The following HS3ST5 variants were observed in gnomAD, a reference collection of about 807,000 sequenced individuals.
HS3ST5 encodes heparan sulfate-glucosamine 3-sulfotransferase 5.
In HS3ST5, 10 loss-of-function variants were observed where a neutral mutation model predicts 25.4. The ratio of observed to expected loss-of-function variants is 0.39; its 90% CI spans 0.24 to 0.67. The LOEUF (loss-of-function observed/expected upper bound fraction) is 0.67, where lower values mean the gene tolerates loss of function less well. HS3ST5 is among the 30% of genes least tolerant of loss of function. The pLI is 0.44. For missense variants in HS3ST5, 324 were observed against 420.7 expected (o/e 0.77, Z 2.01); for synonymous variants, 170 against 162.4 (o/e 1.05, Z -0.36).
At chr6:114,259,523 A>T (rs1207893591) in intron 1 of HS3ST5, among the ~76,000 whole-genome samples, 1 of 152,190 alleles carries the variant, frequency 6.6e-6, no homozygotes. Flanking sequence ...CTATTGACTG[A>T]TCCTTTTAAG....
At chr6:114,259,239 G>C (rs1484968019) in intron 1 of HS3ST5, among the ~76,000 whole-genome samples, 1 of 152,144 alleles carries the variant, frequency 6.6e-6, no homozygotes, top group Non-Finnish European at 1.5e-5. Flanking sequence ...GTAAAAACAT[G>C]AGCAATTAAT....
intron 1 of HS3ST5, among the ~76,000 whole-genome samples, chr6:114,288,056 T>C (rs1774414557): frequency 6.6e-6 from 1 of 152,080 alleles, no homozygotes; most frequent in African/African-American, 2.4e-5. Context: ...TTTATTCCTG[T>C]GTAGCTTAAG....
intron 3 of HS3ST5, among the ~76,000 whole-genome samples, chr6:114,124,206 G>C (rs1402752460): frequency 6.6e-6 from 1 of 152,098 alleles, no homozygotes; most frequent in Non-Finnish European, 1.5e-5. Context: ...TTAGACCCCT[G>C]TTCTTCCTGA....
chr6:114,103,952 C>T (rs1223084982), intron 3 of HS3ST5, among the ~76,000 whole-genome samples: 1 of 151,166 alleles, frequency 6.6e-6, no homozygotes, highest in Non-Finnish European at 1.5e-5. Context: ...CCGCCCATCT[C>T]GGCCTCCCAA....
At chr6:114,290,753 C>T (rs1284290475) in intron 1 of HS3ST5, among the ~76,000 whole-genome samples, 1 of 151,782 alleles carries the variant, frequency 6.6e-6, no homozygotes, top group Non-Finnish European at 1.5e-5. Flanking sequence ...CTAGGTGCCA[C>T]TTGTATTGGT....
chr6:114,283,691 G>A (rs960554797), intron 1 of HS3ST5, among the ~76,000 whole-genome samples: 9 of 151,850 alleles, frequency 5.9e-5, no homozygotes, highest in African/African-American at 1.9e-4. Flanking sequence ...AAAAGAAAAC[G>A]ACAGGGAAGA....
intron 1 of HS3ST5, among the ~76,000 whole-genome samples, chr6:114,311,542 T>C (rs1301422862): frequency 2.3e-5 from 3 of 129,478 alleles, no homozygotes; most frequent in South Asian, 2.7e-4. Flanking sequence ...TCTCTCTCTT[T>C]TTTTTTTTTT....
At chr6:114,062,710 G>T in intron 4 of HS3ST5, 29 bp downstream of exon 4, 1 of 1,375,920 alleles carries the variant, frequency 7.3e-7, no homozygotes, top group Non-Finnish European at 1.0e-6. Context: ...AATGTCACAG[G>T]GGTATAAGCA....
At chr6:114,216,750 A>C (rs1050910460) in intron 2 of HS3ST5, among the ~76,000 whole-genome samples, 9 of 148,508 alleles carry the variant, frequency 6.1e-5, no homozygotes, top group Admixed American at 1.3e-4. Context: ...AAAAAAAAAA[A>C]GGAAAAGAAA....
chr6:114,148,479 G>A (rs1490218449), intron 3 of HS3ST5, among the ~76,000 whole-genome samples: 4 of 152,038 alleles, frequency 2.6e-5, no homozygotes, highest in Non-Finnish European at 5.9e-5. Flanking sequence ...AAATTAACTG[G>A]GTGTGGTGGC....
intron 3 of HS3ST5, among the ~76,000 whole-genome samples, chr6:114,100,035 A>G (rs1775643137): frequency 6.6e-6 from 1 of 152,168 alleles, no homozygotes; most frequent in Admixed American, 6.5e-5. Context: ...ATATTCTAAT[A>G]TGTTTTACCT....
At chr6:114,289,316 C>G (rs1449768135) in intron 1 of HS3ST5, among the ~76,000 whole-genome samples, 1 of 151,986 alleles carries the variant, frequency 6.6e-6, no homozygotes, top group African/African-American at 2.4e-5. Context: ...AATGATGCTG[C>G]AACTGCTTCC....
At chr6:114,291,162 G>C (rs1582792053) in intron 1 of HS3ST5, among the ~76,000 whole-genome samples, 1 of 152,114 alleles carries the variant, frequency 6.6e-6, no homozygotes, top group African/African-American at 2.4e-5. Flanking sequence ...AGTCCCGCTT[G>C]CCCAGCCACT....
chr6:114,103,709 T>C (rs2114827834), intron 3 of HS3ST5, among the ~76,000 whole-genome samples: 1 of 149,042 alleles, frequency 6.7e-6, no homozygotes, highest in East Asian at 1.9e-4. Context: ...TCTTCTTTTT[T>C]TTTTTTTTTT....
intron 3 of HS3ST5, among the ~76,000 whole-genome samples, chr6:114,166,621 G>C (rs1018824621): frequency 2.2e-4 from 33 of 152,214 alleles, no homozygotes; most frequent in African/African-American, 7.5e-4. Flanking sequence ...CAGGGTGAGG[G>C]AGGGACCGTA....
intron 3 of HS3ST5, among the ~76,000 whole-genome samples, chr6:114,164,131 A>G (rs1779099132): frequency 9.0e-6 from 1 of 111,290 alleles, no homozygotes; most frequent in Admixed American, 1.1e-4. Context: ...CTTTTAAAGT[A>G]AAATATGTAG....
At chr6:114,229,701 A>G (rs1771483418) in intron 1 of HS3ST5, among the ~76,000 whole-genome samples, 1 of 152,200 alleles carries the variant, frequency 6.6e-6, no homozygotes, top group Admixed American at 6.5e-5. Context: ...TATGCTGGGT[A>G]AGAAATCCTG....
At chr6:114,218,628 T>C (rs1460205446) in intron 2 of HS3ST5, among the ~76,000 whole-genome samples, 2 of 152,140 alleles carry the variant, frequency 1.3e-5, no homozygotes, top group Non-Finnish European at 2.9e-5. Flanking sequence ...GAACTGGTAT[T>C]TAAACAGCTG....
intron 1 of HS3ST5, among the ~76,000 whole-genome samples, chr6:114,272,295 T>C (rs1185381362): frequency 6.6e-6 from 1 of 152,090 alleles, no homozygotes; most frequent in East Asian, 1.9e-4. Flanking sequence ...TTTATTCTAG[T>C]AGGCAGTTAA....
Sources: allele counts gnomAD v4.1 joint callset (sites outside exome capture counted in the v4.1 genomes callset), GRCh38; gene constraint gnomAD v4.1.1; transcripts MANE v1.5; gene names NCBI Gene and HGNC (gene_info 2026-07-23, HGNC 2026-07-21).